ZNF195: variants seen among roughly 807,000 people sequenced by gnomAD.
ZNF195 encodes hypoxia-regulated factor-1.
ZNF195 carries 11 observed loss-of-function variants against 19.5 expected under a neutral mutation model. The ratio of observed to expected loss-of-function variants is 0.57; its 90% CI spans 0.36 to 0.94. ZNF195 has a LOEUF of 0.94. ZNF195 is among the 40% of genes least tolerant of loss of function. ZNF195 has a pLI of 0.01. For synonymous variants in ZNF195, 214 were observed against 248.1 expected, an observed-to-expected ratio of 0.86 and a Z score of 1.29; for missense variants, 582 against 709.0, an observed-to-expected ratio of 0.82 and a Z score of 2.03.
At position 3,360,504 on chromosome 11, in the gene ZNF195, T is replaced by G; in HGVS notation, c.504A>C (p.Pro168=). 6.2e-7 allele frequency: 1 copy of G among 1,608,596 alleles called. No individual in the cohort carries two copies. Among genetic ancestry groups the G allele is most frequent in the East Asian group, 2.2e-5 (1 of 44,824 alleles). ...LPEQGIQDAF[P]KRILRGYGNC... is the part of the protein sequence containing the mutation. ...TTCCATATCCTCTCAGTATTCTTTT[T>G]GGGAATGCATCTTGTATGCCCTGCT... The change falls in exon 6 of 6, where the codon CCA becomes CCC. Residue 168 remains proline (P), a synonymous_variant. Coordinates refer to ENST00000399602, the MANE Select transcript of ZNF195 (RefSeq NM_001130520.3).
intron 1 of ZNF195, 21 bp downstream of exon 1, chr11:3,379,017 A>G (rs1849619161): frequency 1.4e-6 from 2 of 1,423,874 alleles, no homozygotes; most frequent in Non-Finnish European, 1.9e-6. Flanking sequence ...GTCTCTCAGG[A>G]GGCCTGGCCC....
chr11:3,363,475 C>T (rs1375540963), intron 3 of ZNF195: 2 of 151,960 alleles, frequency 1.3e-5, no homozygotes, highest in Non-Finnish European at 2.9e-5. Flanking sequence ...ATGAAATGAA[C>T]CTGGAAATAA....
At chr11:3,373,861 AAAC>A (rs1849330754) in intron 1 of ZNF195, among the ~76,000 whole-genome samples, 1 of 152,242 alleles carries the variant, frequency 6.6e-6, no homozygotes, top group Non-Finnish European at 1.5e-5. Flanking sequence ...CTCTCCTGCT[AAAC>A]AACAGCAATT....
In ZNF195 at chr11:3,377,769, G is replaced by A. The variant is rs375759824; in HGVS notation, c.3+1269C>T. ...ATGCTCCAGCAGACATGGCCATGGT[G>A]GGCATCCTGTGTTATCCCTGGACAA... On this transcript the variant is annotated intron_variant, in intron 1 of 5. Coordinates refer to ENST00000399602, the MANE Select transcript of ZNF195 (RefSeq NM_001130520.3). 24 of 1,028,660 alleles carry A rather than the reference G, an allele frequency of 2.3e-5. No individual in the cohort carries two copies. In the East Asian group the frequency reaches 5.6e-4, roughly 24 times the overall value. The allele number at this position is 1,028,660 out of a possible 1,614,324, so 63.7% of individuals were successfully genotyped here.
chr11:3,358,446 A>T lies in ZNF195; in HGVS notation c.*672T>A, dbSNP rs991945952. On this transcript the variant is annotated 3_prime_UTR_variant, in exon 6 of 6. Transcript: ENST00000399602. ...TTTCAGTGTCTTTCACCTTTCACGG[A>T]CAAGTATATCAGTGATGCACACCTA... is the stretch of plus-strand genomic sequence containing the variant. 7.2e-5 allele frequency: 11 copies of T among 152,232 alleles called. No individual in the cohort carries two copies. Among genetic ancestry groups the T allele is most frequent in the Non-Finnish European group, 1.3e-4 (9 of 68,030 alleles). 9.4% of individuals were successfully genotyped at this position (152,232 alleles called of 1,614,324 possible).
intron 4 of ZNF195, among the ~76,000 whole-genome samples, chr11:3,361,071 G>A (rs1848612907): frequency 6.6e-6 from 1 of 152,242 alleles, no homozygotes; most frequent in South Asian, 2.1e-4. Flanking sequence ...CATGACAGCG[G>A]TAGGAAGGCT....
intron 3 of ZNF195, 28 bp from the exon 4 acceptor site, chr11:3,361,917 T>G: frequency 2.4e-6 from 1 of 415,112 alleles, no homozygotes; most frequent in Non-Finnish European, 4.8e-6. Context: ...AAATTAGCTG[T>G]GTATGCTGTT....
Position 3,359,262 on chromosome 11 carries a change from T to G in ZNF195, c.1746A>C (p.Glu582Asp), listed in dbSNP as rs756189578. The G allele has an allele frequency of 6.2e-7, 1 of 1,614,100 alleles. No homozygotes were observed. The highest frequency in any genetic ancestry group is 8.5e-7 in the Non-Finnish European group (1 of 1,179,994). The change falls in exon 6 of 6, where the codon GAA becomes GAC. Residue 582 changes from glutamate (E) to aspartate (D), a missense_variant. Around this residue, in one of 3 missense-constraint regions of ZNF195, gnomAD observed 407 missense variants for 530.5 expected, o/e 0.77. Coordinates refer to ENST00000399602, the MANE Select transcript of ZNF195 (RefSeq NM_001130520.3). This position sits in a 1 kb window ranked among gnomAD's most constrained non-coding sequence, Gnocchi z 5.5. ...HTGEKPYKCDECGKNFTQSSN... is the reference protein window; with the variant it reads ...HTGEKPYKCDDCGKNFTQSSN... The stretch of plus-strand genomic sequence containing the variant: ...AGGACTGGGTAAAGTTTTTTCCACA[T>G]TCGTCACATTTGTAGGGTTTCTCTC...
chr11:3,370,963 A>G lies in ZNF195; in HGVS notation c.226+12T>C, dbSNP rs200059326. 2 of 1,613,702 alleles carry G rather than the reference A, an allele frequency of 1.2e-6. No homozygotes were observed. The highest frequency in any genetic ancestry group is 8.5e-7 in the Non-Finnish European group (1 of 1,179,706). Reference sequence around the variant, plus strand: ...CTCACCTGGGTTACCTGCTTCGTTCATTCCCACCCACCTGGATGTCCGTCT... The same window carrying G: ...CTCACCTGGGTTACCTGCTTCGTTCGTTCCCACCCACCTGGATGTCCGTCT... On this transcript the variant is annotated intron_variant, in intron 3 of 5. Coordinates refer to ENST00000399602, the MANE Select transcript of ZNF195 (RefSeq NM_001130520.3).
At chr11:3,370,158 A>C (rs2133710954) in intron 3 of ZNF195, among the ~76,000 whole-genome samples, 1 of 152,304 alleles carries the variant, frequency 6.6e-6, no homozygotes, top group South Asian at 2.1e-4. Flanking sequence ...TCAAAAGGAT[A>C]TGTTGATATA....
intron 1 of ZNF195, chr11:3,373,528 C>T: frequency 7.0e-7 from 1 of 1,428,770 alleles, no homozygotes; most frequent in Non-Finnish European, 9.7e-7. Flanking sequence ...AAACACATGA[C>T]ATTTCAGGAG....
intron 3 of ZNF195, among the ~76,000 whole-genome samples, chr11:3,364,352 C>T (rs1398634783): frequency 6.6e-6 from 1 of 152,020 alleles, no homozygotes; most frequent in Non-Finnish European, 1.5e-5. Context: ...GACAATGATG[C>T]TAGACAGCAT....
At chr11:3,370,105 C>A (rs1457925419) in intron 3 of ZNF195, among the ~76,000 whole-genome samples, 1 of 151,710 alleles carries the variant, frequency 6.6e-6, no homozygotes, top group Non-Finnish European at 1.5e-5. Flanking sequence ...AAATAGACAA[C>A]AGAATATTAC....
In ZNF195 at chr11:3,358,842, T is replaced by C; in HGVS notation, c.*276A>G. 2.8e-6 allele frequency: 1 copy of C among 351,366 alleles called. No homozygotes were observed. The highest frequency in any genetic ancestry group is 5.0e-6 in the Non-Finnish European group (1 of 200,196). 21.8% of individuals were successfully genotyped at this position (351,366 alleles called of 1,614,324 possible). ...TCTAGTGTTTTCTAAGCTATCATTT[T>C]TGAACAAATGTTATTCCACATTTAT... is the stretch of plus-strand genomic sequence containing the variant. On this transcript the variant is annotated 3_prime_UTR_variant, in exon 6 of 6. Transcript: ENST00000399602.
intron 3 of ZNF195, among the ~76,000 whole-genome samples, chr11:3,364,664 A>G (rs1000420362): frequency 6.6e-6 from 1 of 152,218 alleles, no homozygotes; most frequent in Non-Finnish European, 1.5e-5. Context: ...ATACCTATAC[A>G]AGGTCTGCAA....
rs115212988 is a variant in ZNF195 at position 3,365,738 on chromosome 11, A to G, written c.227-3849T>C. ...ATAAAGAGCTACGAAAATAAAAACA[A>G]TGTGGTACTGACACAAAGACAGATA... On this transcript the variant is annotated intron_variant, in intron 3 of 5. Transcript: ENST00000399602. Among the ~76,000 whole-genome samples the G allele has an allele frequency of 1.8e-3, 279 of 152,358 alleles. 1 individual carries two copies. The highest frequency in any genetic ancestry group is 6.2e-3 in the African/African-American group (259 of 41,588).
At chr11:3,360,839 C>G (rs6578335) in intron 4 of ZNF195, 51 bp from the exon 5 acceptor site, 1,488,506 of 1,513,258 alleles carry the variant, frequency 0.98, 732,537 homozygotes, top group East Asian at 1. Context: ...CCCACTGCAG[C>G]CCCCGCTCCT....
chr11:3,372,749 T>C (rs149680054), intron 1 of ZNF195, among the ~76,000 whole-genome samples: 1,589 of 152,364 alleles, frequency 0.01, 37 homozygotes, highest in African/African-American at 0.036. Context: ...TCTTTTGTCT[T>C]GAGACTGAGT....
At chr11:3,367,401 C>T (rs1053216580) in intron 3 of ZNF195, among the ~76,000 whole-genome samples, 1 of 152,048 alleles carries the variant, frequency 6.6e-6, no homozygotes, top group Non-Finnish European at 1.5e-5. Context: ...GCCTAGATAA[C>T]TACAGTATTC....
Sources: allele counts gnomAD v4.1 joint callset (sites outside exome capture counted in the v4.1 genomes callset), GRCh38; gene constraint gnomAD v4.1.1; regional missense constraint gnomAD v4.1.1; non-coding constraint Gnocchi (gnomAD v3.1); transcripts MANE v1.5; gene names NCBI Gene and HGNC (gene_info 2026-07-23, HGNC 2026-07-21).